Variants in ACTR3C observed in about 807,000 individuals in gnomAD.
ACTR3C encodes actin related protein 3C, also known as actin-related protein 3C.
In ACTR3C, 18 loss-of-function variants were observed where a neutral mutation model predicts 26.3. That is an observed-to-expected ratio of 0.68 (90% confidence interval 0.47 to 1.01). The LOEUF is 1.01. Ranked by LOEUF, ACTR3C falls within the 50% of genes least tolerant of loss-of-function variation. The pLI, the probability that ACTR3C is intolerant of heterozygous loss-of-function variation, is 0.00. For synonymous variants in ACTR3C, 55 were observed against 94.5 expected (o/e 0.58, Z 2.42); for missense variants, 184 against 250.7 (o/e 0.73, Z 1.80).
the ACTR3C span, among the ~76,000 whole-genome samples, chr7:150,209,238 CAGAGAGAGACAG>C: frequency 1.1e-4 from 16 of 142,166 alleles, no homozygotes; most frequent in East Asian, 1.0e-3. Context: ...GATACAGAAA[CAGAGAGAGACAG>C]AGAGAGAGAC....
At chr7:150,035,275 TGCCTCGTG>T in the ACTR3C span, among the ~76,000 whole-genome samples, 3 of 57,470 alleles carry the variant, frequency 5.2e-5, no homozygotes, top group African/African-American at 1.1e-4. Flanking sequence ...TCTCAGTCCC[TGCCTCGTG>T]GAGAGTGCCT....
chr7:150,038,690 C>T, the ACTR3C span, among the ~76,000 whole-genome samples: 1 of 142,360 alleles, frequency 7.0e-6, no homozygotes, highest in South Asian at 2.2e-4. Context: ...TCTACTTGGA[C>T]ACCTAACACC....
At chr7:150,245,108 A>T (rs751772791), downstream of ACTR3C, 1 of 152,104 alleles carries the variant, frequency 6.6e-6, no homozygotes, top group Non-Finnish European at 1.5e-5. Flanking sequence ...GTCTCCACTC[A>T]CTCTGCATCT....
the ACTR3C span, among the ~76,000 whole-genome samples, chr7:149,949,247 A>G: frequency 2.5e-4 from 35 of 140,988 alleles, no homozygotes; most frequent in African/African-American, 1.0e-3. Flanking sequence ...ATAGTGGTGG[A>G]TGCCTGTAAT....
chr7:150,193,968 T>C, the ACTR3C span, among the ~76,000 whole-genome samples: 1 of 147,010 alleles, frequency 6.8e-6, no homozygotes, highest in African/African-American at 2.6e-5. Flanking sequence ...TATATATATA[T>C]ATAAAATACA....
At chr7:150,305,280 T>C (rs1305906306) in intron 1 of ACTR3C, among the ~76,000 whole-genome samples, 1 of 152,090 alleles carries the variant, frequency 6.6e-6, no homozygotes, top group African/African-American at 2.4e-5. Flanking sequence ...TTACATAATT[T>C]TAAGAACCTC....
chr7:150,237,079 G>T, the ACTR3C span, among the ~76,000 whole-genome samples: 2 of 151,546 alleles, frequency 1.3e-5, no homozygotes, highest in Non-Finnish European at 2.9e-5. Context: ...TATTTTTACT[G>T]TTAAAACATC....
the ACTR3C span, among the ~76,000 whole-genome samples, chr7:149,966,055 C>T: frequency 1.3e-5 from 2 of 152,206 alleles, no homozygotes; most frequent in African/African-American, 4.8e-5. Flanking sequence ...TTCAGAAGGA[C>T]CTGGACATGT....
chr7:150,007,542 A>T, the ACTR3C span, among the ~76,000 whole-genome samples: 15 of 152,252 alleles, frequency 9.9e-5, no homozygotes, highest in Non-Finnish European at 1.8e-4. Context: ...TAATTTATTT[A>T]AAAAAATAAA....
intron 6 of ACTR3C, among the ~76,000 whole-genome samples, chr7:150,275,842 G>A (rs963013611): frequency 6.6e-6 from 1 of 152,120 alleles, no homozygotes; most frequent in African/African-American, 2.4e-5. Flanking sequence ...CTGCTCATCT[G>A]TAGAGTCTAA....
the ACTR3C span, chr7:150,044,744 T>G: frequency 6.6e-6 from 1 of 152,254 alleles, no homozygotes; most frequent in Non-Finnish European, 1.5e-5. Context: ...ATTTCTCAAT[T>G]TGCAGACAGA....
the ACTR3C span, among the ~76,000 whole-genome samples, chr7:149,969,624 A>G: frequency 2.1e-3 from 324 of 152,296 alleles, no homozygotes; most frequent in African/African-American, 7.6e-3. Flanking sequence ...AAAAATGGTT[A>G]TATTTTGATA....
chr7:149,946,911 A>T, the ACTR3C span, among the ~76,000 whole-genome samples: 1 of 151,580 alleles, frequency 6.6e-6, no homozygotes, highest in African/African-American at 2.4e-5. Flanking sequence ...ACCACGAATC[A>T]AATCATATTG....
chr7:150,289,910 T>C (rs972877040), intron 3 of ACTR3C, among the ~76,000 whole-genome samples: 7 of 152,348 alleles, frequency 4.6e-5, no homozygotes, highest in African/African-American at 1.7e-4. Context: ...ATGCTGTCTG[T>C]AAGAACACTA....
At chr7:150,209,918 C>CA in the ACTR3C span, among the ~76,000 whole-genome samples, 455 of 62,966 alleles carry the variant, frequency 7.2e-3, 7 homozygotes, top group South Asian at 0.015. Context: ...GACTGGGTCT[C>CA]AAAAAAAAAA....
chr7:150,289,465 G>A lies in ACTR3C; in HGVS notation c.282C>T (p.Thr94=), dbSNP rs1412229282. The A allele has an allele frequency of 7.0e-6, 11 of 1,580,798 alleles. No individual in the cohort carries two copies. The highest frequency in any genetic ancestry group is 3.6e-5 in the South Asian group (3 of 83,478). Residue 94 remains threonine, a synonymous_variant, in exon 4 of 8, where the codon ACC becomes ACT. Transcript: ENST00000683684. ...VGIPPEQSLE[T]AKAIKEKYCY... ...CTGTTTTTACCTTAATGGCTTTTGCGGTCTCCAGTGACTGCTCAGGAGGGA... is the reference window on the plus strand; with the variant it reads ...CTGTTTTTACCTTAATGGCTTTTGCAGTCTCCAGTGACTGCTCAGGAGGGA...
the ACTR3C span, among the ~76,000 whole-genome samples, chr7:149,903,436 C>CA: frequency 3.3e-5 from 5 of 151,598 alleles, no homozygotes; most frequent in Non-Finnish European, 5.9e-5. Flanking sequence ...CATATGCTGG[C>CA]AATAATGAAT....
intron 6 of ACTR3C, among the ~76,000 whole-genome samples, chr7:150,271,343 G>A (rs1024155116): frequency 6.7e-6 from 1 of 149,460 alleles, no homozygotes; most frequent in Admixed American, 6.6e-5. Flanking sequence ...CCCCTAACAG[G>A]CCCACCAACA....
the ACTR3C span, among the ~76,000 whole-genome samples, chr7:150,208,220 A>G: frequency 2.0e-5 from 3 of 152,270 alleles, no homozygotes; most frequent in Non-Finnish European, 4.4e-5. Flanking sequence ...AGCTAAACAG[A>G]TGGAGCTGAG....
Sources: gnomAD v4.1 joint callset for allele counts (sites outside exome capture counted in the v4.1 genomes callset) on GRCh38, gnomAD v4.1.1 for gene constraint, MANE v1.5 for transcripts, NCBI Gene and HGNC (gene_info 2026-07-23, HGNC 2026-07-21) for gene names.